The following PPFIBP1 variants were observed in gnomAD, a reference collection of about 807,000 sequenced individuals.
The protein encoded by PPFIBP1 is PPFIB scaffold protein 1.
In PPFIBP1, 112 loss-of-function variants were observed where a neutral mutation model predicts 137.8. The observed-to-expected ratio is 0.81, with a 90% CI of 0.70 to 0.95. The LOEUF is 0.95. Ranked by LOEUF, PPFIBP1 falls within the 40% of genes least tolerant of loss-of-function variation. The probability of loss-of-function intolerance (pLI) is 0.00; values close to 1 mark genes in which losing one functional copy is unlikely to be tolerated. For synonymous variants in PPFIBP1, 378 were observed against 417.3 expected, an observed-to-expected ratio of 0.91 and a Z score of 1.15; for missense variants, 1,083 against 1,196.6, an observed-to-expected ratio of 0.91 and a Z score of 1.40.
intron 1 of PPFIBP1, among the ~76,000 whole-genome samples, chr12:27,572,232 G>A (rs1433896812): frequency 6.6e-6 from 1 of 152,050 alleles, no homozygotes; most frequent in African/African-American, 2.4e-5. Context: ...TAAAGTATTT[G>A]CCACAAAGAA....
At chr12:27,639,134 A>G (rs974183991) in intron 4 of PPFIBP1, among the ~76,000 whole-genome samples, 10 of 152,234 alleles carry the variant, frequency 6.6e-5, no homozygotes, top group African/African-American at 1.4e-4. Context: ...CATTAAATCT[A>G]TAAGAATGAA....
intron 3 of PPFIBP1, among the ~76,000 whole-genome samples, 157 bp from the exon 4 acceptor site, chr12:27,634,753 G>T (rs1401351929): frequency 6.6e-6 from 1 of 152,172 alleles, no homozygotes; most frequent in Non-Finnish European, 1.5e-5. Context: ...TTTGCACCAT[G>T]TAACTCTGAC....
intron 2 of PPFIBP1, among the ~76,000 whole-genome samples, chr12:27,581,928 G>A (rs376006457): frequency 1.3e-5 from 2 of 151,636 alleles, no homozygotes; most frequent in Non-Finnish European, 1.5e-5. Flanking sequence ...TAGAGATTTA[G>A]TTGGGCTTTT....
chr12:27,538,690 C>T (rs1945320057), intron 1 of PPFIBP1, among the ~76,000 whole-genome samples: 1 of 152,144 alleles, frequency 6.6e-6, no homozygotes, highest in Non-Finnish European at 1.5e-5. Context: ...ATGCATTAGG[C>T]CTATACCAGG....
intron 2 of PPFIBP1, among the ~76,000 whole-genome samples, chr12:27,597,994 G>A (rs1406780952): frequency 1.3e-5 from 2 of 151,940 alleles, no homozygotes; most frequent in African/African-American, 2.4e-5. Flanking sequence ...TAGTAGAGAC[G>A]GGGTTTCACC....
chr12:27,621,359 T>C (rs1164977161), intron 2 of PPFIBP1, among the ~76,000 whole-genome samples: 1 of 152,192 alleles, frequency 6.6e-6, no homozygotes, highest in Non-Finnish European at 1.5e-5. Flanking sequence ...CTTTCCTCCT[T>C]CTCATTACTC....
chr12:27,653,351 C>T (rs1019244274), intron 7 of PPFIBP1, among the ~76,000 whole-genome samples: 4 of 151,952 alleles, frequency 2.6e-5, no homozygotes, highest in Admixed American at 6.6e-5. Context: ...TTAGGGAGTC[C>T]GAGGAGGGCG....
chr12:27,642,579 A>G (rs1023034687), intron 4 of PPFIBP1, among the ~76,000 whole-genome samples: 2 of 152,190 alleles, frequency 1.3e-5, no homozygotes, highest in African/African-American at 4.8e-5. Context: ...ATGATGAAAC[A>G]CTAAAGAGCA....
intron 4 of PPFIBP1, among the ~76,000 whole-genome samples, chr12:27,642,660 G>C (rs539865255): frequency 1.2e-4 from 18 of 152,316 alleles, no homozygotes; most frequent in African/African-American, 4.3e-4. Flanking sequence ...TAAAGAGGAG[G>C]TAGACATGGG....
At chr12:27,629,568 C>T (rs1196915945) in intron 2 of PPFIBP1, among the ~76,000 whole-genome samples, 2 of 152,256 alleles carry the variant, frequency 1.3e-5, no homozygotes, top group East Asian at 3.9e-4. Context: ...CATCTCTCTA[C>T]TGTAGAATAA....
At chr12:27,654,434 C>A (rs1325136732) in intron 7 of PPFIBP1, 3 of 227,316 alleles carry the variant, frequency 1.3e-5, no homozygotes, top group Non-Finnish European at 2.5e-5. Flanking sequence ...AAATATCTGA[C>A]AAATAATAGA....
At chr12:27,657,366 A>T (rs1389219242) in intron 9 of PPFIBP1, among the ~76,000 whole-genome samples, 4 of 152,092 alleles carry the variant, frequency 2.6e-5, no homozygotes, top group Admixed American at 1.3e-4. Flanking sequence ...ATACATTTTT[A>T]AAATTATATT....
chr12:27,603,357 T>G (rs1380231864), intron 2 of PPFIBP1, among the ~76,000 whole-genome samples: 1 of 152,178 alleles, frequency 6.6e-6, no homozygotes, highest in Non-Finnish European at 1.5e-5. Flanking sequence ...TTATTTTTAT[T>G]GCATAATTGA....
intron 5 of PPFIBP1, among the ~76,000 whole-genome samples, chr12:27,647,498 C>T (rs566851642): frequency 6.6e-6 from 1 of 152,162 alleles, no homozygotes; most frequent in African/African-American, 2.4e-5. Flanking sequence ...ATTGTACATT[C>T]CTAATCTACA....
chr12:27,622,708 A>G (rs531102512), intron 2 of PPFIBP1, among the ~76,000 whole-genome samples: 1 of 152,198 alleles, frequency 6.6e-6, no homozygotes, highest in African/African-American at 2.4e-5. Flanking sequence ...GGTCTTTTTC[A>G]CTGTTCTGCG....
At chr12:27,557,737 A>G (rs944743403) in intron 1 of PPFIBP1, among the ~76,000 whole-genome samples, 4 of 152,132 alleles carry the variant, frequency 2.6e-5, no homozygotes, top group African/African-American at 9.7e-5. Context: ...AGTCTCCAAC[A>G]CTGTTGGCAT....
In PPFIBP1 at chr12:27,571,623, C is replaced by A. The variant is rs557493087; in HGVS notation, c.-123-6529C>A. On this transcript the variant is annotated intron_variant, in intron 1 of 29. Transcript: ENST00000228425. ...ATGATAGAATTCATAATGAGCCAAC[C>A]CACTTTTCAGACCTATGATGACCTC... Among the ~76,000 whole-genome samples the A allele has an allele frequency of 5.8e-4, 88 of 152,266 alleles. 2 individuals carry two copies. In the South Asian group the frequency reaches 0.018, roughly 30 times the overall value.
chr12:27,545,409 T>A (rs1327231841), intron 1 of PPFIBP1, among the ~76,000 whole-genome samples: 1 of 152,144 alleles, frequency 6.6e-6, no homozygotes, highest in African/African-American at 2.4e-5. Context: ...CTAGTGATCC[T>A]GAGATAACAA....
intron 25 of PPFIBP1, chr12:27,688,053 C>T (rs1278439157): frequency 2.1e-5 from 8 of 380,506 alleles, no homozygotes; most frequent in Admixed American, 4.3e-5. Context: ...ACCACTGCAA[C>T]GCCAGCGTGG....
Sources: allele counts gnomAD v4.1 joint callset (sites outside exome capture counted in the v4.1 genomes callset), GRCh38; gene constraint gnomAD v4.1.1; transcripts MANE v1.5; gene names NCBI Gene and HGNC (gene_info 2026-07-23, HGNC 2026-07-21).